ZNF146: variants seen among roughly 807,000 people sequenced by gnomAD.
ZNF146 encodes the protein zinc finger protein OZF.
A neutral mutation model predicts 22.2 loss-of-function variants in ZNF146; 9 were observed. The ratio of observed to expected loss-of-function variants is 0.41; its 90% CI spans 0.24 to 0.71. The LOEUF (loss-of-function observed/expected upper bound fraction) is 0.71, where lower values mean the gene tolerates loss of function less well. Among genes scored for constraint, ZNF146 ranks in the 30% least tolerant of loss-of-function variants. The pLI, the probability that ZNF146 is intolerant of heterozygous loss-of-function variation, is 0.34. For synonymous variants in ZNF146, 108 were observed against 119.2 expected (o/e 0.91, Z 0.61); for missense variants, 194 against 344.8 (o/e 0.56, Z 3.46).
chr19:36,235,687 A>AGAGAGGCACCAGGACTT lies in ZNF146; in HGVS notation c.-735_-719dup, dbSNP rs1371679863. ...AAGCCTGAGAAGATGATGCACAGAT[A>AGAGAGGCACCAGGACTT]GAGAGGCACCAGGACTTGAGAGGCA... On this transcript the variant is annotated 5_prime_UTR_variant, in exon 4 of 4. Transcript: ENST00000443387. The AGAGAGGCACCAGGACTT allele has an allele frequency of 2.0e-5, 3 of 152,280 alleles. No homozygotes were observed. Among genetic ancestry groups the AGAGAGGCACCAGGACTT allele is most frequent in the Non-Finnish European group, 2.9e-5 (2 of 68,094 alleles). 9.4% of individuals were successfully genotyped at this position (152,280 alleles called of 1,614,324 possible).
intron 2 of ZNF146, among the ~76,000 whole-genome samples, chr19:36,223,699 C>T (rs1976958669): frequency 1.5e-5 from 1 of 66,316 alleles, no homozygotes; most frequent in Admixed American, 1.5e-4. Context: ...GACTTTTCCA[C>T]TCTTAAGTTT....
At chr19:36,217,818 G>C (rs1976673373) in intron 1 of ZNF146, among the ~76,000 whole-genome samples, 1 of 151,760 alleles carries the variant, frequency 6.6e-6, no homozygotes, top group Admixed American at 6.6e-5. Context: ...CCGGGAGGCG[G>C]AGGTTGCAGT....
intron 2 of ZNF146, among the ~76,000 whole-genome samples, chr19:36,225,982 T>C (rs997411040): frequency 2.0e-5 from 3 of 151,970 alleles, no homozygotes; most frequent in Admixed American, 6.6e-5. Context: ...TTGCCTAGGC[T>C]GGTCTTGAAC....
chr19:36,218,999 G>A (rs930710425), intron 2 of ZNF146, among the ~76,000 whole-genome samples: 6 of 150,934 alleles, frequency 4.0e-5, no homozygotes, highest in East Asian at 2.0e-4. Flanking sequence ...TAGTAGAGAC[G>A]GGATTTCACC....
Position 36,236,299 on chromosome 19 carries a change from C to G in ZNF146, c.-142C>G. ...ATTTCCTCTCAAACCTTATCCCTTA[C>G]TCTGCATTTGGGAGATCATACACAG... On this transcript the variant is annotated 5_prime_UTR_variant, in exon 4 of 4. Coordinates refer to ENST00000443387, the MANE Select transcript of ZNF146 (RefSeq NM_007145.3). The G allele has an allele frequency of 2.0e-6, 2 of 983,998 alleles. No individual in the cohort carries two copies. The highest frequency in any genetic ancestry group is 2.9e-6 in the Non-Finnish European group (2 of 684,106). The allele number at this position is 983,998 out of a possible 1,614,324, so 61.0% of individuals were successfully genotyped here. A position where few individuals can be genotyped will look rare whatever the true frequency, so the allele number is the denominator to read the frequency against.
At chr19:36,214,755 T>C (rs1976521846), upstream of ZNF146, 1 of 152,650 alleles carries the variant, frequency 6.6e-6, no homozygotes, top group Admixed American at 6.5e-5. Context: ...ACGGACAGAA[T>C]GGCGTTCTCT....
At chr19:36,235,163 C>G (rs907674439) in intron 3 of ZNF146, among the ~76,000 whole-genome samples, 10 of 150,970 alleles carry the variant, frequency 6.6e-5, no homozygotes, top group African/African-American at 9.8e-5. Context: ...GAGCCGAGAT[C>G]GCACCACTGC....
chr19:36,214,764 C>CT (rs1272026422), upstream of ZNF146: 6 of 152,688 alleles, frequency 3.9e-5, no homozygotes, highest in African/African-American at 7.2e-5. Flanking sequence ...ATGGCGTTCT[C>CT]TTATCTCTGA....
intron 3 of ZNF146, among the ~76,000 whole-genome samples, chr19:36,229,633 C>T (rs550072081): frequency 3.9e-5 from 6 of 152,180 alleles, no homozygotes; most frequent in African/African-American, 1.4e-4. Flanking sequence ...CCTAATTTTT[C>T]CTTTTCATAT....
At chr19:36,224,137 T>C (rs1404212875) in intron 2 of ZNF146, among the ~76,000 whole-genome samples, 1 of 152,204 alleles carries the variant, frequency 6.6e-6, no homozygotes, top group Non-Finnish European at 1.5e-5. Flanking sequence ...ATCCCAGCAC[T>C]TTGCAAGGCC....
intron 2 of ZNF146, among the ~76,000 whole-genome samples, chr19:36,218,668 A>C (rs1361347746): frequency 6.6e-6 from 1 of 151,942 alleles, no homozygotes; most frequent in East Asian, 1.9e-4. Flanking sequence ...ATGGGGTTTC[A>C]CCGCGTTAGC....
At chr19:36,233,315 G>C (rs1977475137) in intron 3 of ZNF146, among the ~76,000 whole-genome samples, 1 of 152,162 alleles carries the variant, frequency 6.6e-6, no homozygotes, top group Non-Finnish European at 1.5e-5. Context: ...AGGAGGCCGA[G>C]GTTGCAGTGA....
chr19:36,219,427 CATT>C lies in ZNF146; in HGVS notation c.-855+1235_-855+1237del, dbSNP rs1320438701. 3.9e-5 allele frequency among the ~76,000 whole-genome samples: 6 copies of C among 152,212 alleles called. No homozygotes were observed. The East Asian group carries it at 1.2e-3, about 29-fold the overall frequency. Reference sequence around the variant, plus strand: ...GTTATGTTTATCTTTAGAAAGTCATCATTATCCGCTCCTTTGGAAGATTTGTTC... The same window carrying C: ...GTTATGTTTATCTTTAGAAAGTCATCATCCGCTCCTTTGGAAGATTTGTTC... On this transcript the variant is annotated intron_variant, in intron 2 of 3. Coordinates refer to ENST00000443387, the MANE Select transcript of ZNF146 (RefSeq NM_007145.3).
chr19:36,233,365 G>A (rs1766638554), intron 3 of ZNF146, among the ~76,000 whole-genome samples: 1 of 152,164 alleles, frequency 6.6e-6, no homozygotes, highest in East Asian at 1.9e-4. Flanking sequence ...GAAGGGGTGG[G>A]TTTCCCCTCC....
chr19:36,222,656 G>A (rs1449116277), intron 2 of ZNF146, among the ~76,000 whole-genome samples: 1 of 151,786 alleles, frequency 6.6e-6, no homozygotes, highest in African/African-American at 2.4e-5. Flanking sequence ...TTAAAGGCCT[G>A]TATGTATTAA....
At chr19:36,221,710 T>G (rs956330601) in intron 2 of ZNF146, among the ~76,000 whole-genome samples, 1 of 152,156 alleles carries the variant, frequency 6.6e-6, no homozygotes, top group African/African-American at 2.4e-5. Context: ...AGTCACATTC[T>G]TCTTTGTCTT....
intron 1 of ZNF146, among the ~76,000 whole-genome samples, chr19:36,217,885 CAA>C (rs10590776): frequency 0.62 from 81,993 of 133,024 alleles, 23,533 homozygotes; most frequent in Middle Eastern, 0.72. Flanking sequence ...AACTCCATCT[CAA>C]AAAAAAAAAA....
intron 3 of ZNF146, among the ~76,000 whole-genome samples, chr19:36,234,254 G>T (rs1400950071): frequency 1.3e-5 from 2 of 152,042 alleles, no homozygotes; most frequent in South Asian, 4.2e-4. Context: ...TCTTAGTACA[G>T]AACAAAATGG....
At chr19:36,218,990 A>C (rs2432042) in intron 2 of ZNF146, among the ~76,000 whole-genome samples, 51,794 of 150,386 alleles carry the variant, frequency 0.34, 9,362 homozygotes, top group South Asian at 0.48. Context: ...TTGTATTTTT[A>C]GTAGAGACGG....
Sources: gnomAD v4.1 joint callset for allele counts (sites outside exome capture counted in the v4.1 genomes callset) on GRCh38, gnomAD v4.1.1 for gene constraint, MANE v1.5 for transcripts, NCBI Gene and HGNC (gene_info 2026-07-23, HGNC 2026-07-21) for gene names.